The following BATF variants were observed in gnomAD, a reference collection of about 807,000 sequenced individuals.
The protein encoded by BATF is basic leucine zipper transcriptional factor ATF-like.
A neutral mutation model predicts 13.7 loss-of-function variants in BATF; 5 were observed. The observed-to-expected ratio is 0.36, with a 90% CI of 0.19 to 0.77. The LOEUF (loss-of-function observed/expected upper bound fraction) is 0.77. Ranked by LOEUF, BATF falls within the 30% of genes least tolerant of loss-of-function variation. BATF has a pLI of 0.51. For missense variants in BATF, 124 were observed against 163.0 expected, an observed-to-expected ratio of 0.76 and a Z score of 1.30; for synonymous variants, 72 against 67.5, an observed-to-expected ratio of 1.07 and a Z score of -0.33.
chr14:75,526,092 T>C (rs1268124917), intron 2 of BATF, among the ~76,000 whole-genome samples: 1 of 152,208 alleles, frequency 6.6e-6, no homozygotes, highest in East Asian at 1.9e-4. Flanking sequence ...TTTACCTCTG[T>C]CTTGAGTGGT....
chr14:75,535,247 T>TATAAAA (rs1189178125), intron 2 of BATF, among the ~76,000 whole-genome samples: 4 of 151,954 alleles, frequency 2.6e-5, no homozygotes, highest in African/African-American at 4.8e-5. Flanking sequence ...CTCTACAAAA[T>TATAAAA]ATAAAAATAA....
intron 2 of BATF, among the ~76,000 whole-genome samples, chr14:75,533,163 T>A (rs1244113095): frequency 6.6e-6 from 1 of 152,090 alleles, no homozygotes; most frequent in African/African-American, 2.4e-5. Context: ...ATGCTGGTGT[T>A]GATGCTGTAA....
At chr14:75,525,700 A>AG (rs1887642942) in intron 2 of BATF, among the ~76,000 whole-genome samples, 4 of 150,966 alleles carry the variant, frequency 2.6e-5, no homozygotes, top group Non-Finnish European at 5.9e-5. Context: ...GTAGCAGGGA[A>AG]TGGGCCAGGA....
In BATF at chr14:75,522,635, G is replaced by T. The variant is rs778728129; in HGVS notation, c.-48G>T. 6.2e-6 allele frequency: 10 copies of T among 1,611,202 alleles called. No individual in the cohort carries two copies. The South Asian group carries it at 1.1e-4, about 18-fold the overall frequency. ...AGGGAGCCCAGCTGGTGACAAGAGAGCCCAGAGGTGCCTGGGGCTGAGTGT... is the reference window on the plus strand; with the variant it reads ...AGGGAGCCCAGCTGGTGACAAGAGATCCCAGAGGTGCCTGGGGCTGAGTGT... On this transcript the variant is annotated 5_prime_UTR_variant, in exon 1 of 3. Coordinates refer to ENST00000286639, the MANE Select transcript of BATF (RefSeq NM_006399.5).
At chr14:75,526,383 T>C (rs183178186) in intron 2 of BATF, among the ~76,000 whole-genome samples, 36 of 152,354 alleles carry the variant, frequency 2.4e-4, no homozygotes, top group Admixed American at 2.2e-3. Context: ...TAGCAATTCC[T>C]TTCCATGGAA....
At chr14:75,544,246 A>G (rs1451312612) in intron 2 of BATF, among the ~76,000 whole-genome samples, 1 of 152,164 alleles carries the variant, frequency 6.6e-6, no homozygotes, top group East Asian at 1.9e-4. Context: ...TAGGATTTAA[A>G]AAAAAAATTA....
At chr14:75,544,368 C>T (rs899956459) in intron 2 of BATF, among the ~76,000 whole-genome samples, 2 of 151,862 alleles carry the variant, frequency 1.3e-5, no homozygotes, top group African/African-American at 2.4e-5. Flanking sequence ...AGTTCAAGAC[C>T]AGCCTGGCCA....
Position 75,546,811 on chromosome 14 carries a change from G to A in BATF, c.*140G>A. 2.5e-6 allele frequency: 3 copies of A among 1,185,420 alleles called. No homozygotes were observed. Among genetic ancestry groups the A allele is most frequent in the South Asian group, 2.7e-5 (2 of 75,390 alleles). 73.4% of individuals were successfully genotyped at this position (1,185,420 alleles called of 1,614,324 possible). ...AAGGAGTGAACACGGGAACTGTCAC[G>A]ACTGGAAGGGCGTGAGGCCTCCCAG... On this transcript the variant is annotated 3_prime_UTR_variant, in exon 3 of 3. Transcript: ENST00000286639.
chr14:75,541,412 G>A (rs566280038), intron 2 of BATF, among the ~76,000 whole-genome samples: 7 of 152,340 alleles, frequency 4.6e-5, no homozygotes, highest in South Asian at 2.1e-4. Flanking sequence ...GGAGCTCACC[G>A]TGGTCATGAG....
At position 75,525,243 on chromosome 14, in the gene BATF, A is replaced by G; in HGVS notation, c.168+55A>G. On this transcript the variant is annotated intron_variant, in intron 2 of 2. Transcript: ENST00000286639. Reference sequence around the variant, plus strand: ...TGAGCTTTAGGCTTTGCCCTCCGCCATCTGGGAACCCTTGGACCATAGCTT... The same window carrying G: ...TGAGCTTTAGGCTTTGCCCTCCGCCGTCTGGGAACCCTTGGACCATAGCTT... 6 of 1,535,582 alleles carry G rather than the reference A, an allele frequency of 3.9e-6. No individual in the cohort carries two copies. In the East Asian group the frequency reaches 7.0e-5, roughly 18 times the overall value.
intron 2 of BATF, among the ~76,000 whole-genome samples, chr14:75,536,058 A>G (rs1313705863): frequency 6.6e-6 from 1 of 152,246 alleles, no homozygotes; most frequent in Non-Finnish European, 1.5e-5. Context: ...AGGCACTGAG[A>G]ATATTGCAGG....
chr14:75,540,923 T>C (rs1566769097), intron 2 of BATF, among the ~76,000 whole-genome samples: 1 of 152,130 alleles, frequency 6.6e-6, no homozygotes, highest in South Asian at 2.1e-4. Context: ...CCGTCTCTAC[T>C]AGAAATACAA....
chr14:75,543,954 T>A (rs1346336376), intron 2 of BATF, among the ~76,000 whole-genome samples: 1 of 152,114 alleles, frequency 6.6e-6, no homozygotes, highest in Admixed American at 6.5e-5. Flanking sequence ...AAATTTTAAA[T>A]GTCAAGTTAT....
intron 1 of BATF, among the ~76,000 whole-genome samples, chr14:75,523,383 G>C (rs978631077): frequency 6.6e-6 from 1 of 152,160 alleles, no homozygotes; most frequent in African/African-American, 2.4e-5. Flanking sequence ...CTGGATAGGA[G>C]CAAGGAAATG....
At chr14:75,546,407 C>A (rs1369374105) in intron 2 of BATF, 55 bp from the exon 3 acceptor site, 1 of 1,587,412 alleles carries the variant, frequency 6.3e-7, no homozygotes, top group African/African-American at 1.3e-5. Context: ...CGCACCCCAC[C>A]CACCTTGCCT....
chr14:75,540,865 C>G (rs1887885912), intron 2 of BATF, among the ~76,000 whole-genome samples: 1 of 152,190 alleles, frequency 6.6e-6, no homozygotes, highest in African/African-American at 2.4e-5. Flanking sequence ...GCAGGCGGAT[C>G]ACTTGCGGTC....
At chr14:75,533,563 C>A (rs537423552) in intron 2 of BATF, among the ~76,000 whole-genome samples, 5 of 152,232 alleles carry the variant, frequency 3.3e-5, no homozygotes, top group African/African-American at 1.2e-4. Flanking sequence ...TTCTCTTGAG[C>A]AGAATGGGAG....
chr14:75,544,608 T>C (rs1162882259), intron 2 of BATF, among the ~76,000 whole-genome samples: 2 of 149,254 alleles, frequency 1.3e-5, no homozygotes, highest in African/African-American at 4.9e-5. Flanking sequence ...CAGACTTCAC[T>C]CCGCAAATCC....
In BATF at chr14:75,523,223, A is replaced by G. The variant is rs899311547; in HGVS notation, c.63+478A>G. On this transcript the variant is annotated intron_variant, in intron 1 of 2. Coordinates refer to ENST00000286639, the MANE Select transcript of BATF (RefSeq NM_006399.5). ...AGGGAAAAGTTAAAAAAAAAAAAAA[A>G]GAAGAAGAAGAAGAGGAAGAAGGAG... Among the ~76,000 whole-genome samples the G allele has an allele frequency of 2.7e-3, 371 of 135,660 alleles. 3 individuals carry two copies. Among genetic ancestry groups the G allele is most frequent in the African/African-American group, 9.6e-3 (359 of 37,248 alleles). 89.0% of individuals were successfully genotyped at this position (135,660 alleles called of 152,430 possible).
Sources: gnomAD v4.1 joint callset for allele counts (sites outside exome capture counted in the v4.1 genomes callset) on GRCh38, gnomAD v4.1.1 for gene constraint, MANE v1.5 for transcripts, NCBI Gene and HGNC (gene_info 2026-07-23, HGNC 2026-07-21) for gene names.